ETNK1: variants seen among roughly 807,000 people sequenced by gnomAD.
ETNK1 encodes the protein putative protein product of Nbla10396.
In ETNK1, 8 loss-of-function variants were observed where a neutral mutation model predicts 45.1. The observed-to-expected ratio is 0.18, with a 90% CI of 0.10 to 0.32. ETNK1 has a LOEUF of 0.32. ETNK1 is among the 10% of genes least tolerant of loss of function. ETNK1 has a pLI of 1.00. For missense variants in ETNK1, 302 were observed against 430.6 expected (o/e 0.70, Z 2.64); for synonymous variants, 152 against 151.9 (o/e 1.00, Z -0.01).
intron 1 of ETNK1, among the ~76,000 whole-genome samples, chr12:22,631,517 G>A (rs1220532850): frequency 6.6e-6 from 1 of 152,138 alleles, no homozygotes; most frequent in Non-Finnish European, 1.5e-5. Context: ...TTATGTAAAA[G>A]TGTCTATGTA....
At chr12:22,631,582 T>C (rs1299339066) in intron 1 of ETNK1, among the ~76,000 whole-genome samples, 1 of 152,194 alleles carries the variant, frequency 6.6e-6, no homozygotes, top group Non-Finnish European at 1.5e-5. Flanking sequence ...TTTAAAAAGT[T>C]TGAGAAAATA....
rs1310185910 is a variant in ETNK1, at chr12:22,688,299, G to A, written c.*3345G>A. The A allele has an allele frequency of 1.3e-5, 2 of 151,672 alleles. No homozygotes were observed. Among genetic ancestry groups the A allele is most frequent in the Non-Finnish European group, 3.0e-5 (2 of 67,698 alleles). 9.4% of individuals were successfully genotyped at this position (151,672 alleles called of 1,614,324 possible). On this transcript the variant is annotated 3_prime_UTR_variant, in exon 8 of 8. Coordinates refer to ENST00000266517, the MANE Select transcript of ETNK1 (RefSeq NM_018638.5). ...AGTTGATCATGATAGGATCATAAAA[G>A]ACAGAAAAGACTTAAGTAATCTTGT...
In ETNK1 at chr12:22,686,943, T is replaced by C. The variant is rs561565726; in HGVS notation, c.*1989T>C. On this transcript the variant is annotated 3_prime_UTR_variant, in exon 8 of 8. Transcript: ENST00000266517. ...AGAACTGTGGGAGGAGAGAAGATAA[T>C]TTTTCTACCTTACTCCATATTCTTA... The C allele has an allele frequency of 7.1e-6, 1 of 141,682 alleles. No individual in the cohort carries two copies. The highest frequency in any genetic ancestry group is 3.8e-3 in the Middle Eastern group (1 of 260). 8.8% of individuals were successfully genotyped at this position (141,682 alleles called of 1,614,324 possible).
At chr12:22,677,158 C>A (rs1954170469) in intron 6 of ETNK1, among the ~76,000 whole-genome samples, 1 of 152,098 alleles carries the variant, frequency 6.6e-6, no homozygotes, top group South Asian at 2.1e-4. Context: ...ATGTTTAAGT[C>A]TTTAATCCAT....
At chr12:22,628,786 CA>C (rs1169854103) in intron 1 of ETNK1, among the ~76,000 whole-genome samples, 6 of 152,008 alleles carry the variant, frequency 3.9e-5, no homozygotes, top group African/African-American at 9.7e-5. Flanking sequence ...TAGATAATGG[CA>C]AAGGCTTCAT....
In ETNK1 at chr12:22,660,739, T is replaced by C. The variant is rs998767960; in HGVS notation, c.558-324T>C. Among the ~76,000 whole-genome samples the C allele has an allele frequency of 1.1e-4, 16 of 152,254 alleles. No individual in the cohort carries two copies. In the East Asian group the frequency reaches 1.5e-3, roughly 15 times the overall value. ...TGTCTTAGTTTTGTCATCTATAAAA[T>C]TGACATAAATGTAAATTACTTAGAA... On this transcript the variant is annotated intron_variant, in intron 3 of 7. Transcript: ENST00000266517.
At chr12:22,646,513 TACTG>T (rs1359224914) in intron 2 of ETNK1, among the ~76,000 whole-genome samples, 1 of 151,866 alleles carries the variant, frequency 6.6e-6, no homozygotes, top group East Asian at 1.9e-4. Flanking sequence ...AATAGGGACT[TACTG>T]ACAATTTGGG....
chr12:22,648,334 T>C (rs1243563465), intron 2 of ETNK1, among the ~76,000 whole-genome samples: 1 of 151,944 alleles, frequency 6.6e-6, no homozygotes, highest in Admixed American at 6.6e-5. Flanking sequence ...ACAGAGGAGT[T>C]TCACTGCTCT....
intron 6 of ETNK1, among the ~76,000 whole-genome samples, chr12:22,683,601 A>G (rs981221495): frequency 3.3e-5 from 5 of 152,196 alleles, no homozygotes; most frequent in Non-Finnish European, 7.3e-5. Context: ...GTACTCAGAG[A>G]TAGAGCCTGG....
Position 22,687,151 on chromosome 12 carries a change from C to G in ETNK1, c.*2197C>G, listed in dbSNP as rs906001933. On this transcript the variant is annotated 3_prime_UTR_variant, in exon 8 of 8. Coordinates refer to ENST00000266517, the MANE Select transcript of ETNK1 (RefSeq NM_018638.5). ...GGATCTTGGGAACAAAATAAGATATCTAATCTATTTTCCCCATTCTGGCTA... is the reference window on the plus strand; with the variant it reads ...GGATCTTGGGAACAAAATAAGATATGTAATCTATTTTCCCCATTCTGGCTA... 2.0e-5 allele frequency: 3 copies of G among 151,738 alleles called. No homozygotes were observed. The highest frequency in any genetic ancestry group is 4.4e-5 in the Non-Finnish European group (3 of 67,736). The allele number at this position is 151,738 out of a possible 1,614,324, so 9.4% of individuals were successfully genotyped here.
intron 1 of ETNK1, among the ~76,000 whole-genome samples, chr12:22,627,425 G>C (rs1483022958): frequency 6.6e-6 from 1 of 152,032 alleles, no homozygotes; most frequent in Non-Finnish European, 1.5e-5. Flanking sequence ...ATGATTATTA[G>C]TTAGAAATAC....
chr12:22,654,107 G>A (rs1379643623), intron 2 of ETNK1, among the ~76,000 whole-genome samples: 4 of 152,170 alleles, frequency 2.6e-5, no homozygotes, highest in African/African-American at 7.2e-5. Context: ...TTATAAAAGA[G>A]GCCCAAAGAA....
At chr12:22,639,957 G>T (rs1378254098) in intron 1 of ETNK1, among the ~76,000 whole-genome samples, 4 of 152,044 alleles carry the variant, frequency 2.6e-5, no homozygotes, top group African/African-American at 9.7e-5. Flanking sequence ...AGATCGGTTT[G>T]GATATTATGA....
At chr12:22,675,082 A>T (rs566963322) in intron 6 of ETNK1, among the ~76,000 whole-genome samples, 1 of 152,166 alleles carries the variant, frequency 6.6e-6, no homozygotes, top group African/African-American at 2.4e-5. Context: ...TTTTATTTTT[A>T]TTTTGAGACA....
intron 6 of ETNK1, among the ~76,000 whole-genome samples, chr12:22,680,902 C>CA (rs1555103400): frequency 7.3e-6 from 1 of 136,720 alleles, no homozygotes; most frequent in Non-Finnish European, 1.6e-5. Context: ...CCCCGCCCCC[C>CA]CCTCCATTAT....
At chr12:22,649,062 G>T (rs926395581) in intron 2 of ETNK1, among the ~76,000 whole-genome samples, 2 of 151,984 alleles carry the variant, frequency 1.3e-5, no homozygotes, top group Admixed American at 6.6e-5. Context: ...AAATTGGGTT[G>T]TTTGTGTTCT....
In ETNK1 at chr12:22,659,015, C is replaced by T; in HGVS notation, c.418C>T (p.Leu140=). ...TTTATGCGGTTTTGTTTTAAACAGG[C>T]TAATAGCTCGTCAGCTTGCTAAAAT... The part of the protein sequence containing the change: ...KHVCNPAIFR[L]IARQLAKIHA... Residue 140 remains leucine (L), a splice_region_variant and synonymous_variant, in exon 3 of 8, where the codon CTA becomes TTA. Coordinates refer to ENST00000266517, the MANE Select transcript of ETNK1 (RefSeq NM_018638.5). The T allele has an allele frequency of 1.2e-6, 2 of 1,612,760 alleles. No homozygotes were observed. The highest frequency in any genetic ancestry group is 1.7e-6 in the Non-Finnish European group (2 of 1,179,640).
intron 6 of ETNK1, among the ~76,000 whole-genome samples, chr12:22,681,416 C>T (rs546614509): frequency 6.6e-6 from 1 of 151,916 alleles, no homozygotes; most frequent in Non-Finnish European, 1.5e-5. Flanking sequence ...CACTACAGAG[C>T]AAATTTAGTA....
intron 2 of ETNK1, among the ~76,000 whole-genome samples, chr12:22,651,787 G>C (rs545469906): frequency 6.7e-6 from 1 of 149,798 alleles, no homozygotes; most frequent in Non-Finnish European, 1.5e-5. Context: ...CCAGGTTCAA[G>C]TGATTCTCCT....
Sources: gnomAD v4.1 joint callset for allele counts (sites outside exome capture counted in the v4.1 genomes callset) on GRCh38, gnomAD v4.1.1 for gene constraint, MANE v1.5 for transcripts, NCBI Gene and HGNC (gene_info 2026-07-23, HGNC 2026-07-21) for gene names.